Variants in SGCZ observed in about 807,000 individuals in gnomAD.
SGCZ encodes zeta-sarcoglycan.
In SGCZ, 40 loss-of-function variants were observed where a neutral mutation model predicts 41.3. The observed-to-expected ratio is 0.97, with a 90% CI of 0.75 to 1.26. The LOEUF is 1.26. SGCZ is among the 50% of genes most tolerant of loss of function. The probability of loss-of-function intolerance (pLI) is 0.00; values close to 1 mark genes in which losing one functional copy is unlikely to be tolerated. For synonymous variants in SGCZ, 206 were observed against 137.5 expected, an observed-to-expected ratio of 1.50 and a Z score of -3.49; for missense variants, 552 against 369.8, an observed-to-expected ratio of 1.49 and a Z score of -4.04.
chr8:15,078,662 T>C (rs1805633648), intron 1 of SGCZ, among the ~76,000 whole-genome samples: 1 of 152,084 alleles, frequency 6.6e-6, no homozygotes, highest in Non-Finnish European at 1.5e-5. Flanking sequence ...CTTAGCTCTA[T>C]CATAGGTTAT....
At chr8:14,597,513 G>A (rs1805451449) in intron 1 of SGCZ, among the ~76,000 whole-genome samples, 1 of 152,092 alleles carries the variant, frequency 6.6e-6, no homozygotes, top group Admixed American at 6.5e-5. Context: ...TTTTTGGCCA[G>A]GCTGGAGTGC....
intron 1 of SGCZ, among the ~76,000 whole-genome samples, chr8:14,784,417 A>AT (rs1242473672): frequency 1.5e-4 from 9 of 59,206 alleles, no homozygotes; most frequent in African/African-American, 9.8e-4. Flanking sequence ...TCAGAAAAAA[A>AT]ATGTCAGCTA....
intron 1 of SGCZ, among the ~76,000 whole-genome samples, chr8:14,895,539 T>C (rs1193601947): frequency 6.6e-6 from 1 of 152,140 alleles, no homozygotes; most frequent in African/African-American, 2.4e-5. Context: ...CCCAAATCCA[T>C]AAGGACTGAT....
chr8:14,614,585 A>C (rs1213901466), intron 1 of SGCZ, among the ~76,000 whole-genome samples: 1 of 152,192 alleles, frequency 6.6e-6, no homozygotes, highest in East Asian at 1.9e-4. Flanking sequence ...AACCATCAAA[A>C]TTCAAACTGC....
At chr8:14,675,266 G>A (rs1808237228) in intron 1 of SGCZ, among the ~76,000 whole-genome samples, 1 of 151,862 alleles carries the variant, frequency 6.6e-6, no homozygotes, top group South Asian at 2.1e-4. Flanking sequence ...AAATTACCCA[G>A]TCTCAGGTAT....
At chr8:15,229,760 ATTTATTGTATCATG>A (rs1801886884) in intron 1 of SGCZ, among the ~76,000 whole-genome samples, 1 of 152,320 alleles carries the variant, frequency 6.6e-6, no homozygotes, top group Admixed American at 6.5e-5. Context: ...CATGACATTG[ATTTATTGTATCATG>A]TTTCACAAAA....
chr8:14,851,016 G>A (rs1339439561), intron 1 of SGCZ, among the ~76,000 whole-genome samples: 2 of 152,144 alleles, frequency 1.3e-5, no homozygotes, highest in East Asian at 1.9e-4. Context: ...CTAATACAGA[G>A]TAATATGCTA....
At chr8:14,703,520 T>C (rs17321556) in intron 1 of SGCZ, among the ~76,000 whole-genome samples, 2,453 of 152,130 alleles carry the variant, frequency 0.016, 30 homozygotes, top group South Asian at 0.066. Context: ...CTCATATTGC[T>C]GAATATTGCC....
At chr8:14,540,574 T>G (rs1425872903) in intron 2 of SGCZ, among the ~76,000 whole-genome samples, 1 of 151,876 alleles carries the variant, frequency 6.6e-6, no homozygotes, top group Non-Finnish European at 1.5e-5. Context: ...TTATTTAAAT[T>G]TTCTCCAAAA....
At chr8:14,916,644 T>C (rs193252304) in intron 1 of SGCZ, among the ~76,000 whole-genome samples, 1 of 152,338 alleles carries the variant, frequency 6.6e-6, no homozygotes, top group Non-Finnish European at 1.5e-5. Context: ...TTTGTAGTTT[T>C]ATAACTAAGA....
intron 1 of SGCZ, among the ~76,000 whole-genome samples, chr8:15,026,411 G>C (rs746480682): frequency 1.3e-5 from 2 of 152,174 alleles, no homozygotes; most frequent in Non-Finnish European, 2.9e-5. Flanking sequence ...TGCTGGTGTA[G>C]TGTTGTTTCC....
chr8:14,736,133 C>T (rs184064625), intron 1 of SGCZ, among the ~76,000 whole-genome samples: 1 of 152,062 alleles, frequency 6.6e-6, no homozygotes, highest in African/African-American at 2.4e-5. Flanking sequence ...TTTTCCAAAT[C>T]ATGCTCCCTG....
chr8:14,840,217 G>C (rs1054519796), intron 1 of SGCZ, among the ~76,000 whole-genome samples: 4 of 152,106 alleles, frequency 2.6e-5, no homozygotes, highest in Admixed American at 6.5e-5. Context: ...ATACAAGAGA[G>C]ATGAGTGTTA....
chr8:14,127,340 A>T (rs568781504), intron 5 of SGCZ, among the ~76,000 whole-genome samples: 1 of 152,320 alleles, frequency 6.6e-6, no homozygotes, highest in East Asian at 1.9e-4. Context: ...ACTGAGGAGC[A>T]AATGAATTAC....
chr8:14,402,895 A>T (rs886187797), intron 2 of SGCZ, among the ~76,000 whole-genome samples: 2 of 149,682 alleles, frequency 1.3e-5, no homozygotes, highest in African/African-American at 5.1e-5. Context: ...GGCCATTTTC[A>T]CGATATTGAT....
intron 1 of SGCZ, among the ~76,000 whole-genome samples, chr8:15,191,966 T>A (rs1456012041): frequency 6.6e-6 from 1 of 152,052 alleles, no homozygotes; most frequent in Non-Finnish European, 1.5e-5. Flanking sequence ...TAAATCTCAG[T>A]TTTCTCACCT....
chr8:15,230,278 A>G (rs901666321), intron 1 of SGCZ, among the ~76,000 whole-genome samples: 6 of 152,112 alleles, frequency 3.9e-5, no homozygotes, highest in African/African-American at 1.4e-4. Flanking sequence ...TCTTCTTGGA[A>G]ATTAGAGTAT....
chr8:15,120,189 T>C (rs893305365), intron 1 of SGCZ, among the ~76,000 whole-genome samples: 4 of 152,212 alleles, frequency 2.6e-5, no homozygotes, highest in Non-Finnish European at 5.9e-5. Flanking sequence ...ATCCTGCCAA[T>C]GAACGAATGA....
chr8:14,259,996 T>C (rs937829872), intron 3 of SGCZ, among the ~76,000 whole-genome samples: 3 of 152,178 alleles, frequency 2.0e-5, no homozygotes, highest in African/African-American at 7.2e-5. Flanking sequence ...CCTTGAGCAG[T>C]GGTTTGTAGT....
Sources: allele counts gnomAD v4.1 joint callset (sites outside exome capture counted in the v4.1 genomes callset), GRCh38; gene constraint gnomAD v4.1.1; transcripts MANE v1.5; gene names NCBI Gene and HGNC (gene_info 2026-07-23, HGNC 2026-07-21).